PTPRD: variants seen among roughly 807,000 people sequenced by gnomAD.
PTPRD encodes the protein receptor-type tyrosine-protein phosphatase delta.
PTPRD carries 34 observed loss-of-function variants against 214.5 expected under a neutral mutation model. That is an observed-to-expected ratio of 0.16 (90% CI 0.12 to 0.21). The LOEUF (loss-of-function observed/expected upper bound fraction) is 0.21. PTPRD is among the 10% of genes least tolerant of loss of function. The probability of loss-of-function intolerance (pLI) is 1.00; values close to 1 mark genes in which losing one functional copy is unlikely to be tolerated. For synonymous variants in PTPRD, 1,128 were observed against 845.7 expected (o/e 1.33, Z -5.79); for missense variants, 2,545 against 2,398.7 (o/e 1.06, Z -1.27).
rs1027665982 is a variant in PTPRD at position 9,833,683 on chromosome 9, A to AG, written c.-367-66833dup. On this transcript the variant is annotated intron_variant, in intron 5 of 45. Coordinates refer to ENST00000381196, the MANE Select transcript of PTPRD (RefSeq NM_002839.4). ...CATAAGAGACAGGTACGCTCCGGAG[A>AG]GGGGGGCAGTTCAGAGACCTACCCC... Among the ~76,000 whole-genome samples, 19 of 132,580 alleles carry AG rather than the reference A, an allele frequency of 1.4e-4. 2 individuals are homozygous for AG. The South Asian group carries it at 3.1e-3, about 22-fold the overall frequency. 87.0% of individuals were successfully genotyped at this position (132,580 alleles called of 152,430 possible). A position where few individuals can be genotyped will look rare whatever the true frequency, so the allele number is the denominator to read the frequency against.
Position 9,039,513 on chromosome 9 carries a change from G to C in PTPRD, c.-142-20778C>G, listed in dbSNP as rs188198895. ...CCCACCATCCTGCTTTTGTAAATAA[G>C]GTTTTTTGTGGAACACAACCATTGC... On this transcript the variant is annotated intron_variant, in intron 10 of 45. Coordinates refer to ENST00000381196, the MANE Select transcript of PTPRD (RefSeq NM_002839.4). 3.3e-5 allele frequency among the ~76,000 whole-genome samples: 5 copies of C among 152,224 alleles called. No homozygotes were observed. The South Asian group carries it at 8.3e-4, about 25-fold the overall frequency.
In PTPRD at chr9:8,702,638, G is replaced by A. The variant is rs181124417; in HGVS notation, c.64+31142C>T. ...CAATTTTTTGGGTTTCTTTTAGACA[G>A]AGTCTTGCTATGTCGCCCCAGCTGG... is the stretch of plus-strand genomic sequence containing the variant. On this transcript the variant is annotated intron_variant, in intron 12 of 45. Coordinates refer to ENST00000381196, the MANE Select transcript of PTPRD (RefSeq NM_002839.4). Among the ~76,000 whole-genome samples the A allele has an allele frequency of 2.0e-3, 306 of 152,330 alleles. 5 individuals carry two copies. Among genetic ancestry groups the A allele is most frequent in the Non-Finnish European group, 2.1e-4 (14 of 68,028 alleles).
At chr9:9,435,941 T>C (rs949079946) in intron 8 of PTPRD, among the ~76,000 whole-genome samples, 1 of 152,118 alleles carries the variant, frequency 6.6e-6, no homozygotes, top group Non-Finnish European at 1.5e-5. Flanking sequence ...TATTAGAAAC[T>C]TCTTTAGCCC....
intron 5 of PTPRD, among the ~76,000 whole-genome samples, chr9:9,853,760 G>A (rs776963399): frequency 6.6e-6 from 1 of 152,012 alleles, no homozygotes; most frequent in Non-Finnish European, 1.5e-5. Flanking sequence ...TGTTGGCCAG[G>A]ATGGTCTCAA....
At chr9:9,608,879 T>C (rs149949060) in intron 7 of PTPRD, among the ~76,000 whole-genome samples, 48 of 152,344 alleles carry the variant, frequency 3.2e-4, no homozygotes, top group African/African-American at 8.9e-4. Flanking sequence ...TTGCCTTTCA[T>C]ATGCAGTCTC....
At chr9:8,501,112 T>G in intron 23 of PTPRD, 53 bp from the exon 24 acceptor site, 1 of 1,359,186 alleles carries the variant, frequency 7.4e-7, no homozygotes, top group African/African-American at 1.5e-5. Context: ...CAGGAGTGGT[T>G]GAAAAAAAAA....
intron 3 of PTPRD, among the ~76,000 whole-genome samples, chr9:10,282,371 G>C (rs984449586): frequency 6.6e-6 from 1 of 152,126 alleles, no homozygotes; most frequent in Non-Finnish European, 1.5e-5. Context: ...AAATAGGTTT[G>C]TCTGAAAAGA....
At chr9:8,597,644 T>G (rs996495059) in intron 14 of PTPRD, among the ~76,000 whole-genome samples, 1 of 152,220 alleles carries the variant, frequency 6.6e-6, no homozygotes, top group African/African-American at 2.4e-5. Context: ...TTTGTTGGGC[T>G]CTAAATCAAT....
chr9:10,299,032 T>C (rs1178629834), intron 3 of PTPRD, among the ~76,000 whole-genome samples: 2 of 152,182 alleles, frequency 1.3e-5, no homozygotes, highest in African/African-American at 4.8e-5. Flanking sequence ...AATTAATGAA[T>C]ACATGCATTG....
intron 3 of PTPRD, among the ~76,000 whole-genome samples, chr9:10,066,694 T>C (rs2097892239): frequency 1.3e-5 from 2 of 151,942 alleles, no homozygotes; most frequent in South Asian, 4.1e-4. Flanking sequence ...CGATGCTAGA[T>C]TTCCCTAAGT....
intron 14 of PTPRD, among the ~76,000 whole-genome samples, chr9:8,632,716 T>C (rs1056279069): frequency 1.4e-4 from 21 of 152,040 alleles, no homozygotes; most frequent in African/African-American, 4.8e-4. Flanking sequence ...CCCTGTGCCT[T>C]TGTCAAATTG....
intron 9 of PTPRD, among the ~76,000 whole-genome samples, chr9:9,211,923 A>C (rs1228412933): frequency 1.3e-5 from 2 of 152,132 alleles, no homozygotes; most frequent in Non-Finnish European, 2.9e-5. Flanking sequence ...CCAGTTCTAG[A>C]AAATTTTAAT....
intron 5 of PTPRD, among the ~76,000 whole-genome samples, chr9:9,846,159 A>G (rs143833248): frequency 2.6e-4 from 39 of 152,212 alleles, no homozygotes; most frequent in African/African-American, 9.4e-4. Flanking sequence ...CCCAAGCAAG[A>G]TATTTTATTT....
intron 5 of PTPRD, among the ~76,000 whole-genome samples, chr9:9,894,073 C>A (rs2074232999): frequency 6.6e-6 from 1 of 152,002 alleles, no homozygotes; most frequent in Non-Finnish European, 1.5e-5. Context: ...CTTTCCTTGG[C>A]CTCCTAACGC....
At chr9:8,510,800 A>C (rs545161008) in intron 21 of PTPRD, among the ~76,000 whole-genome samples, 4 of 152,210 alleles carry the variant, frequency 2.6e-5, no homozygotes, top group African/African-American at 9.6e-5. Flanking sequence ...GACACAAAGG[A>C]ATTTTTTTAA....
intron 9 of PTPRD, among the ~76,000 whole-genome samples, chr9:9,329,489 T>G (rs376803902): frequency 6.6e-6 from 1 of 152,192 alleles, no homozygotes; most frequent in Non-Finnish European, 1.5e-5. Context: ...TGGTTTTTAA[T>G]TAAAGTAAGT....
chr9:8,686,751 C>T (rs1284401799), intron 12 of PTPRD, among the ~76,000 whole-genome samples: 1 of 152,128 alleles, frequency 6.6e-6, no homozygotes, highest in Non-Finnish European at 1.5e-5. Flanking sequence ...AAAATATTAT[C>T]CATGAGTCAC....
At chr9:8,980,099 G>T (rs1303101124) in intron 11 of PTPRD, among the ~76,000 whole-genome samples, 1 of 152,012 alleles carries the variant, frequency 6.6e-6, no homozygotes, top group Non-Finnish European at 1.5e-5. Context: ...GGACCTAAAG[G>T]ACATTGCATT....
rs544281037 is a variant in PTPRD, at chr9:10,526,717, C to T, written c.-600+85681G>A. ...CCAAATTTTAAAACAATTTCTTCCA[C>T]CCACCCCTACTGGCAATAGATACAG... is the stretch of plus-strand genomic sequence containing the variant. On this transcript the variant is annotated intron_variant, in intron 2 of 45. Transcript: ENST00000381196. Among the ~76,000 whole-genome samples, 6 of 152,164 alleles carry T rather than the reference C, an allele frequency of 3.9e-5. No individual in the cohort carries two copies. In the East Asian group the frequency reaches 1.2e-3, roughly 29 times the overall value.
Sources: allele counts gnomAD v4.1 joint callset (sites outside exome capture counted in the v4.1 genomes callset), GRCh38; gene constraint gnomAD v4.1.1; transcripts MANE v1.5; gene names NCBI Gene and HGNC (gene_info 2026-07-23, HGNC 2026-07-21).